The following MAN1A1 variants were observed in gnomAD, a reference collection of about 807,000 sequenced individuals.
MAN1A1 encodes mannosyl-oligosaccharide 1,2-alpha-mannosidase IA.
In MAN1A1, 29 loss-of-function variants were observed where a neutral mutation model predicts 70.8. The observed-to-expected ratio is 0.41, with a 90% CI of 0.31 to 0.56. The LOEUF is 0.56. Ranked by LOEUF, MAN1A1 falls within the 20% of genes least tolerant of loss-of-function variation. The pLI, the probability that MAN1A1 is intolerant of heterozygous loss-of-function variation, is 0.29. For synonymous variants in MAN1A1, 349 were observed against 330.1 expected (o/e 1.06, Z -0.62); for missense variants, 747 against 841.3 (o/e 0.89, Z 1.39).
At chr6:119,332,323 G>T (rs1773340117) in intron 2 of MAN1A1, among the ~76,000 whole-genome samples, 1 of 152,138 alleles carries the variant, frequency 6.6e-6, no homozygotes, top group Non-Finnish European at 1.5e-5. Flanking sequence ...AGAACAGGAA[G>T]AATAACAAAC....
At chr6:119,312,443 G>A (rs972843681) in intron 2 of MAN1A1, among the ~76,000 whole-genome samples, 1 of 152,080 alleles carries the variant, frequency 6.6e-6, no homozygotes, top group African/African-American at 2.4e-5. Flanking sequence ...GCAACTTGGG[G>A]GAAATTAATT....
intron 2 of MAN1A1, among the ~76,000 whole-genome samples, chr6:119,320,754 C>A (rs928409368): frequency 6.6e-6 from 1 of 151,988 alleles, no homozygotes; most frequent in African/African-American, 2.4e-5. Flanking sequence ...TGACCAAAAT[C>A]AAATAAATTA....
At chr6:119,200,471 T>C (rs1442526810) in intron 8 of MAN1A1, among the ~76,000 whole-genome samples, 1 of 152,222 alleles carries the variant, frequency 6.6e-6, no homozygotes, top group Non-Finnish European at 1.5e-5. Flanking sequence ...TAATGAGGTA[T>C]CTAAGAACAT....
chr6:119,309,524 T>C (rs1772644268), intron 2 of MAN1A1, among the ~76,000 whole-genome samples: 1 of 152,170 alleles, frequency 6.6e-6, no homozygotes, highest in Non-Finnish European at 1.5e-5. Flanking sequence ...ATTGATCACC[T>C]CTCTTCACAG....
intron 2 of MAN1A1, among the ~76,000 whole-genome samples, chr6:119,328,238 C>T (rs1426583509): frequency 6.6e-6 from 1 of 152,218 alleles, no homozygotes; most frequent in Non-Finnish European, 1.5e-5. Context: ...AAGTGGCAGA[C>T]AGGGATTTAG....
At chr6:119,306,861 T>C in intron 3 of MAN1A1, 35 bp downstream of exon 3, 1 of 1,407,386 alleles carries the variant, frequency 7.1e-7, no homozygotes, top group East Asian at 2.3e-5. Context: ...GGGGAGAAGT[T>C]ATCGTCACTA....
intron 5 of MAN1A1, among the ~76,000 whole-genome samples, chr6:119,267,268 A>C (rs551333576): frequency 6.6e-6 from 1 of 152,226 alleles, no homozygotes; most frequent in Non-Finnish European, 1.5e-5. Flanking sequence ...TTATGACCAT[A>C]CAAAAAACTG....
At chr6:119,311,155 A>G (rs1772689435) in intron 2 of MAN1A1, among the ~76,000 whole-genome samples, 2 of 152,240 alleles carry the variant, frequency 1.3e-5, no homozygotes, top group African/African-American at 4.8e-5. Flanking sequence ...GCATGTAAAG[A>G]GTTTAACATG....
intron 6 of MAN1A1, among the ~76,000 whole-genome samples, chr6:119,222,229 G>A (rs1465678370): frequency 6.6e-6 from 1 of 150,706 alleles, no homozygotes; most frequent in Non-Finnish European, 1.5e-5. Flanking sequence ...AATATAAAAC[G>A]TATTACGGAT....
intron 6 of MAN1A1, among the ~76,000 whole-genome samples, chr6:119,235,514 G>A (rs748751202): frequency 1.3e-5 from 2 of 152,178 alleles, no homozygotes; most frequent in African/African-American, 2.4e-5. Context: ...TACAACAAAA[G>A]TTTGAAGCTA....
At chr6:119,283,498 G>A (rs1200981067) in intron 5 of MAN1A1, among the ~76,000 whole-genome samples, 2 of 152,060 alleles carry the variant, frequency 1.3e-5, no homozygotes, top group Non-Finnish European at 2.9e-5. Context: ...GGCTCACAGA[G>A]CCATAAACAA....
At chr6:119,256,331 A>T (rs1022760994) in intron 5 of MAN1A1, among the ~76,000 whole-genome samples, 1 of 152,184 alleles carries the variant, frequency 6.6e-6, no homozygotes, top group African/African-American at 2.4e-5. Flanking sequence ...AATAAGAGGT[A>T]GTGAAGAGAA....
At chr6:119,207,058 G>T (rs1773880591) in intron 6 of MAN1A1, among the ~76,000 whole-genome samples, 2 of 152,150 alleles carry the variant, frequency 1.3e-5, no homozygotes, top group South Asian at 4.1e-4. Flanking sequence ...AAATTACTTT[G>T]TATCCATGTA....
intron 5 of MAN1A1, among the ~76,000 whole-genome samples, chr6:119,256,414 ATT>A (rs5879493): frequency 6.8e-6 from 1 of 147,782 alleles, no homozygotes; most frequent in Admixed American, 6.7e-5. Context: ...GTATCTCATT[ATT>A]TTTTTTTTTT....
chr6:119,313,954 A>G (rs1416560059), intron 2 of MAN1A1, among the ~76,000 whole-genome samples: 1 of 152,026 alleles, frequency 6.6e-6, no homozygotes, highest in Non-Finnish European at 1.5e-5. Context: ...AAAAAAAATC[A>G]AAACTACGCT....
chr6:119,288,171 C>T (rs1444362279), intron 5 of MAN1A1, among the ~76,000 whole-genome samples: 2 of 151,930 alleles, frequency 1.3e-5, no homozygotes, highest in East Asian at 1.9e-4. Context: ...ACTTCTTCTC[C>T]TGCTTTTGCA....
At chr6:119,192,965 TACTA>T (rs1461427292) in intron 9 of MAN1A1, among the ~76,000 whole-genome samples, 1 of 152,222 alleles carries the variant, frequency 6.6e-6, no homozygotes. Flanking sequence ...TAACTTACCT[TACTA>T]ACTTACTGCT....
At chr6:119,230,181 A>C (rs544176981) in intron 6 of MAN1A1, among the ~76,000 whole-genome samples, 4 of 152,336 alleles carry the variant, frequency 2.6e-5, no homozygotes, top group African/African-American at 9.6e-5. Flanking sequence ...TTTTGGGAAA[A>C]GGTAAACAAA....
intron 2 of MAN1A1, among the ~76,000 whole-genome samples, chr6:119,313,665 A>G (rs1417458808): frequency 6.6e-6 from 1 of 151,830 alleles, no homozygotes; most frequent in Non-Finnish European, 1.5e-5. Context: ...TTATACTAAA[A>G]AAAAAAAAAG....
Sources: gnomAD v4.1 joint callset for allele counts (sites outside exome capture counted in the v4.1 genomes callset) on GRCh38, gnomAD v4.1.1 for gene constraint, MANE v1.5 for transcripts, NCBI Gene and HGNC (gene_info 2026-07-23, HGNC 2026-07-21) for gene names.